The following ATF7IP variants were observed in gnomAD, a reference collection of about 807,000 sequenced individuals.
ATF7IP encodes the protein activating transcription factor 7-interacting protein 1.
In ATF7IP, 23 loss-of-function variants were observed where a neutral mutation model predicts 106.4. The ratio of observed to expected loss-of-function variants is 0.22; its 90% CI spans 0.16 to 0.31. The LOEUF is 0.31. ATF7IP is among the 10% of genes least tolerant of loss of function. The pLI, the probability that ATF7IP is intolerant of heterozygous loss-of-function variation, is 1.00. For missense variants in ATF7IP, 1,334 were observed against 1,524.3 expected (o/e 0.88, Z 2.08); for synonymous variants, 542 against 539.0 (o/e 1.01, Z -0.08).
chr12:14,497,762 T>C lies in ATF7IP; in HGVS notation c.3502T>C (p.Leu1168=), dbSNP rs1354689968. Residue 1168 remains leucine (L), a synonymous_variant, in exon 15 of 15, where the codon TTA becomes CTA. Coordinates refer to ENST00000261168, the MANE Select transcript of ATF7IP (RefSeq NM_018179.5). ...TSLPQKPHLK[L]ARVQSQNGIV... ...TCTGCCTCAGAAGCCACACTTGAAG[T>C]TAGCACGCGTTCAGAGTCAAAATGG... 3 of 1,614,106 alleles carry C rather than the reference T, an allele frequency of 1.9e-6. No individual in the cohort carries two copies. In the Admixed American group the frequency reaches 5.0e-5, roughly 27 times the overall value.
In ATF7IP at chr12:14,399,340, G is replaced by GT. The variant is rs111524041; in HGVS notation, c.-7-24559dup. ...TTTTCCCATGAATTTTGAGGATATT[G>GT]TTTTTTTTTTAGCTTTCAGTATTGC... is the stretch of plus-strand genomic sequence containing the variant. On this transcript the variant is annotated intron_variant, in intron 1 of 14. Coordinates refer to ENST00000261168, the MANE Select transcript of ATF7IP (RefSeq NM_018179.5). 1.7e-3 allele frequency among the ~76,000 whole-genome samples: 252 copies of GT among 147,212 alleles called. 1 individual carries two copies. The highest frequency in any genetic ancestry group is 0.014 in the South Asian group (66 of 4,684).
At chr12:14,492,881 A>G (rs1000685163) in intron 13 of ATF7IP, among the ~76,000 whole-genome samples, 12 of 152,192 alleles carry the variant, frequency 7.9e-5, no homozygotes, top group Admixed American at 1.3e-4. Flanking sequence ...AGGGCTCTTC[A>G]GAGATTCAGG....
Position 14,498,025 on chromosome 12 carries a change from C to T in ATF7IP, c.3765C>T (p.Phe1255=). 1 of 1,612,758 alleles carries T rather than the reference C, an allele frequency of 6.2e-7. No individual in the cohort carries two copies. Among genetic ancestry groups the T allele is most frequent in the African/African-American group, 1.3e-5 (1 of 75,044 alleles). ...ATATTTATGGACGTTTTGGGCCTTT[C>T]TGTGATCCTCAGTCAACAGATGTGA... ...AKDIYGRFGP[F]CDPQSTDVIS... Residue 1255 remains phenylalanine, a synonymous_variant, in exon 15 of 15, where the codon TTC becomes TTT. Coordinates refer to ENST00000261168, the MANE Select transcript of ATF7IP (RefSeq NM_018179.5).
intron 1 of ATF7IP, among the ~76,000 whole-genome samples, chr12:14,413,714 A>G (rs7956078): frequency 0.1 from 15,719 of 152,194 alleles, 999 homozygotes; most frequent in African/African-American, 0.19. Context: ...TGACTCACAT[A>G]TATTATTCCT....
chr12:14,475,547 T>A (rs1435075061), intron 10 of ATF7IP, among the ~76,000 whole-genome samples: 1 of 152,228 alleles, frequency 6.6e-6, no homozygotes, highest in Non-Finnish European at 1.5e-5. Context: ...TGTGGTAGAT[T>A]AATATTGATA....
intron 5 of ATF7IP, among the ~76,000 whole-genome samples, chr12:14,439,844 C>A (rs1159821597): frequency 2.3e-5 from 1 of 43,768 alleles, no homozygotes; most frequent in Non-Finnish European, 6.9e-5. Context: ...AAAATAAATC[C>A]ATCCATCCAT....
chr12:14,422,320 C>T (rs1254703536), intron 1 of ATF7IP, among the ~76,000 whole-genome samples: 1 of 101,802 alleles, frequency 9.8e-6, no homozygotes, highest in Non-Finnish European at 1.9e-5. Flanking sequence ...AATACACACA[C>T]ACACACACAC....
At chr12:14,448,623 G>A (rs1445934600) in intron 6 of ATF7IP, among the ~76,000 whole-genome samples, 4 of 152,114 alleles carry the variant, frequency 2.6e-5, no homozygotes, top group African/African-American at 7.2e-5. Context: ...ACATGGGAGT[G>A]CAGCTATCTC....
At chr12:14,480,863 A>T (rs551460325) in intron 12 of ATF7IP, 140 bp from the exon 13 acceptor site, 27 of 697,858 alleles carry the variant, frequency 3.9e-5, no homozygotes, top group African/African-American at 3.8e-4. Flanking sequence ...TTATCTTAGA[A>T]GATCATAAAA....
In ATF7IP at chr12:14,501,910, A is replaced by G. The variant is rs149690882; in HGVS notation, c.*3837A>G. 1.9e-4 allele frequency: 29 copies of G among 152,330 alleles called. No individual in the cohort carries two copies. Among genetic ancestry groups the G allele is most frequent in the African/African-American group, 6.5e-4 (27 of 41,582 alleles). The allele number at this position is 152,330 out of a possible 1,614,324, so 9.4% of individuals were successfully genotyped here. On this transcript the variant is annotated 3_prime_UTR_variant, in exon 15 of 15. Transcript: ENST00000261168. ...GCAACATGGTTAGGGTTAATACTGCATGGTATTCATTTATCTTGTTTCATG... is the reference window on the plus strand; with the variant it reads ...GCAACATGGTTAGGGTTAATACTGCGTGGTATTCATTTATCTTGTTTCATG...
intron 1 of ATF7IP, among the ~76,000 whole-genome samples, chr12:14,421,340 T>C (rs898403883): frequency 3.9e-5 from 6 of 152,182 alleles, no homozygotes; most frequent in African/African-American, 1.4e-4. Flanking sequence ...ATTTGTTTTG[T>C]GGTTTTCTTT....
intron 1 of ATF7IP, among the ~76,000 whole-genome samples, chr12:14,377,343 A>G (rs919729812): frequency 3.3e-4 from 47 of 141,024 alleles, no homozygotes; most frequent in African/African-American, 1.2e-3. Context: ...ACGGTTACAA[A>G]TTTGATTTAT....
intron 10 of ATF7IP, among the ~76,000 whole-genome samples, chr12:14,468,263 A>G (rs1943906210): frequency 1.4e-5 from 2 of 146,986 alleles, no homozygotes; most frequent in Non-Finnish European, 3.0e-5. Context: ...GCGAAACTCC[A>G]TCCCATCTCA....
chr12:14,470,462 T>C (rs2136766204), intron 10 of ATF7IP, among the ~76,000 whole-genome samples: 1 of 152,306 alleles, frequency 6.6e-6, no homozygotes, highest in South Asian at 2.1e-4. Flanking sequence ...TCTCAGACAA[T>C]GTTTTGTCAG....
At chr12:14,373,746 A>T (rs1938619506) in intron 1 of ATF7IP, among the ~76,000 whole-genome samples, 2 of 152,152 alleles carry the variant, frequency 1.3e-5, no homozygotes, top group Non-Finnish European at 2.9e-5. Context: ...GTTCAGTTAT[A>T]GTATAACTGT....
In ATF7IP at chr12:14,438,145, C is replaced by T. The variant is rs565557284; in HGVS notation, c.1807C>T (p.Leu603=). The change falls in exon 5 of 15, where the codon CTG becomes TTG. Residue 603 remains leucine (L), a synonymous_variant. Transcript: ENST00000261168. ...GTTTCTTTAGGTTATACAGTGGTTG[C>T]TGGAAGAAAAATTGTGTGCGCTGCA... ...QKLQKVIQWL[L]EEKLCALQCA... is the part of the protein sequence containing the mutation. 18 of 1,612,958 alleles carry T rather than the reference C, an allele frequency of 1.1e-5. No individual in the cohort carries two copies. In the African/African-American group the frequency reaches 2.3e-4, roughly 20 times the overall value.
At chr12:14,392,637 G>A (rs1939622848) in intron 1 of ATF7IP, among the ~76,000 whole-genome samples, 1 of 152,152 alleles carries the variant, frequency 6.6e-6, no homozygotes, top group Non-Finnish European at 1.5e-5. Flanking sequence ...CAATAAATAT[G>A]AGAGAAGGTT....
At chr12:14,487,632 A>G (rs1038646707) in intron 13 of ATF7IP, among the ~76,000 whole-genome samples, 1 of 152,190 alleles carries the variant, frequency 6.6e-6, no homozygotes, top group Non-Finnish European at 1.5e-5. Flanking sequence ...TGAGTCTGGT[A>G]CATGCCTCTT....
rs779030407 is a variant in ATF7IP at position 14,460,493 on chromosome 12, A to G, written c.2159-2A>G. 2 of 1,608,120 alleles carry G rather than the reference A, an allele frequency of 1.2e-6. No individual in the cohort carries two copies. Among genetic ancestry groups the G allele is most frequent in the Non-Finnish European group, 1.7e-6 (2 of 1,176,698 alleles). On this transcript the variant is annotated splice_acceptor_variant, in intron 8 of 14. Transcript: ENST00000261168. LOFTEE classifies it high-confidence loss of function. ...ACTGAGGCTTCTGTTTTCTTTCTAT[A>G]GTATCTTCAACCAATCTTGTCACTC...
Sources: gnomAD v4.1 joint callset for allele counts (sites outside exome capture counted in the v4.1 genomes callset) on GRCh38, gnomAD v4.1.1 for gene constraint, MANE v1.5 for transcripts, NCBI Gene and HGNC (gene_info 2026-07-23, HGNC 2026-07-21) for gene names.